CADPS2: variants seen among roughly 807,000 people sequenced by gnomAD.
CADPS2 encodes the protein calcium dependent secretion activator 2, also known as calcium-dependent secretion activator 2.
In CADPS2, 93 loss-of-function variants were observed where a neutral mutation model predicts 172.5. That is an observed-to-expected ratio of 0.54 (90% CI 0.46 to 0.64). CADPS2 has a LOEUF of 0.64. CADPS2 is among the 30% of genes least tolerant of loss of function. The pLI, the probability that CADPS2 is intolerant of heterozygous loss-of-function variation, is 0.00. For synonymous variants in CADPS2, 546 were observed against 555.2 expected (o/e 0.98, Z 0.23); for missense variants, 1,420 against 1,565.9 (o/e 0.91, Z 1.57).
intron 1 of CADPS2, among the ~76,000 whole-genome samples, chr7:122,800,991 C>CAAAA (rs34506571): frequency 1.6e-5 from 1 of 63,044 alleles, no homozygotes; most frequent in African/African-American, 7.8e-5. Flanking sequence ...GACTCTGCCT[C>CAAAA]AAAAAAAAAA....
At chr7:122,547,986 G>C (rs1349238754) in intron 8 of CADPS2, among the ~76,000 whole-genome samples, 1 of 152,154 alleles carries the variant, frequency 6.6e-6, no homozygotes, top group Non-Finnish European at 1.5e-5. Flanking sequence ...TCACATGAAT[G>C]TCTTGAGTGT....
intron 3 of CADPS2, among the ~76,000 whole-genome samples, chr7:122,657,786 T>C (rs7789692): frequency 0.52 from 78,517 of 151,830 alleles, 20,559 homozygotes; most frequent in East Asian, 0.73. Flanking sequence ...CTTTTCCTAA[T>C]TGAATACCCT....
chr7:122,436,619 A>T (rs1387157456), intron 17 of CADPS2, among the ~76,000 whole-genome samples: 1 of 152,076 alleles, frequency 6.6e-6, no homozygotes, highest in African/African-American at 2.4e-5. Context: ...TATTTTTTAA[A>T]GAAGACTGCT....
chr7:122,630,450 C>T (rs62474645), intron 3 of CADPS2, among the ~76,000 whole-genome samples: 85 of 151,608 alleles, frequency 5.6e-4, no homozygotes, highest in Non-Finnish European at 1.1e-3. Flanking sequence ...TAAAACTAGA[C>T]ACACACAGTG....
At chr7:122,368,525 A>G (rs538881316) in intron 25 of CADPS2, among the ~76,000 whole-genome samples, 2 of 152,254 alleles carry the variant, frequency 1.3e-5, no homozygotes, top group South Asian at 4.1e-4. Flanking sequence ...ACTGGTGACT[A>G]GTCCTGCCTT....
chr7:122,780,378 T>C (rs1350592001), intron 1 of CADPS2, among the ~76,000 whole-genome samples: 2 of 152,172 alleles, frequency 1.3e-5, no homozygotes, highest in Non-Finnish European at 2.9e-5. Context: ...GAGATATAAA[T>C]ATGCATCCAA....
intron 25 of CADPS2, among the ~76,000 whole-genome samples, chr7:122,377,563 A>T (rs969609210): frequency 1.3e-5 from 2 of 152,166 alleles, no homozygotes; most frequent in Non-Finnish European, 2.9e-5. Context: ...ATATCTGGAT[A>T]AAATTTCCCT....
intron 23 of CADPS2, among the ~76,000 whole-genome samples, chr7:122,387,536 T>C (rs1158108125): frequency 6.6e-6 from 1 of 152,052 alleles, no homozygotes; most frequent in Admixed American, 6.6e-5. Flanking sequence ...CACACACTTG[T>C]ATGCATTTAA....
intron 1 of CADPS2, among the ~76,000 whole-genome samples, chr7:122,822,687 C>T (rs1451774264): frequency 1.3e-5 from 2 of 150,922 alleles, no homozygotes; most frequent in Non-Finnish European, 2.9e-5. Flanking sequence ...GACATTCCAC[C>T]ACAAAAAAAG....
intron 1 of CADPS2, among the ~76,000 whole-genome samples, chr7:122,853,645 T>A (rs1403219853): frequency 6.6e-6 from 1 of 152,242 alleles, no homozygotes; most frequent in African/African-American, 2.4e-5. Context: ...AATATACCCT[T>A]ACATCAAGAG....
In CADPS2 at chr7:122,663,231, A is replaced by G. The variant is rs749139578; in HGVS notation, c.786+6T>C. The G allele has an allele frequency of 3.8e-6, 6 of 1,593,284 alleles. No individual in the cohort carries two copies. In the African/African-American group the frequency reaches 5.4e-5, roughly 14 times the overall value. On this transcript the variant is annotated splice_donor_region_variant and intron_variant, in intron 3 of 29. Coordinates refer to ENST00000449022, the MANE Select transcript of CADPS2 (RefSeq NM_017954.11). ...AGGGGAAGGGAAAATATCAGAGACC[A>G]CTTACCTGACATGCATTATAAAGGA... is the stretch of plus-strand genomic sequence containing the variant.
chr7:122,709,471 A>G (rs1186045928), intron 2 of CADPS2, among the ~76,000 whole-genome samples: 1 of 151,948 alleles, frequency 6.6e-6, no homozygotes, highest in African/African-American at 2.4e-5. Context: ...ACTGTAAACT[A>G]GTTCAACCAT....
At chr7:122,653,601 T>C (rs2079414771) in intron 3 of CADPS2, among the ~76,000 whole-genome samples, 1 of 152,242 alleles carries the variant, frequency 6.6e-6, no homozygotes. Context: ...GCAGATATTA[T>C]GGTTTTTTTA....
intron 1 of CADPS2, among the ~76,000 whole-genome samples, chr7:122,818,766 G>A (rs547556762): frequency 1.3e-5 from 2 of 152,226 alleles, no homozygotes; most frequent in East Asian, 1.9e-4. Flanking sequence ...GGTGGCTGGA[G>A]CTAAAGGCAT....
At chr7:122,521,971 A>G (rs1307226587) in intron 8 of CADPS2, among the ~76,000 whole-genome samples, 2 of 152,182 alleles carry the variant, frequency 1.3e-5, no homozygotes, top group African/African-American at 4.8e-5. Flanking sequence ...TTTGCTTGCT[A>G]TAGCAAAATC....
chr7:122,762,587 A>C (rs1283213413), intron 1 of CADPS2, among the ~76,000 whole-genome samples: 1 of 152,166 alleles, frequency 6.6e-6, no homozygotes, highest in Admixed American at 6.6e-5. Context: ...GAGTTGGATA[A>C]GAAAGAAACA....
At chr7:122,778,489 T>C (rs574000778) in intron 1 of CADPS2, among the ~76,000 whole-genome samples, 16 of 152,268 alleles carry the variant, frequency 1.1e-4, no homozygotes, top group Admixed American at 1.0e-3. Context: ...GGTAAATGTC[T>C]CCAGGGCATA....
chr7:122,768,559 G>A (rs749324048), intron 1 of CADPS2, among the ~76,000 whole-genome samples: 2 of 151,908 alleles, frequency 1.3e-5, no homozygotes, highest in Non-Finnish European at 2.9e-5. Context: ...CAGACAAAGA[G>A]GATTCTGACT....
At chr7:122,816,462 T>C (rs1423304254) in intron 1 of CADPS2, among the ~76,000 whole-genome samples, 2 of 152,226 alleles carry the variant, frequency 1.3e-5, no homozygotes, top group Non-Finnish European at 2.9e-5. Flanking sequence ...GTTGATTCCA[T>C]ATCTTGGCTA....
Sources: allele counts gnomAD v4.1 joint callset (sites outside exome capture counted in the v4.1 genomes callset), GRCh38; gene constraint gnomAD v4.1.1; transcripts MANE v1.5; gene names NCBI Gene and HGNC (gene_info 2026-07-23, HGNC 2026-07-21).